Variants in OCA2 observed in about 807,000 individuals in gnomAD.
OCA2 encodes the protein OCA2 melanosomal transmembrane protein.
A neutral mutation model predicts 100.2 loss-of-function variants in OCA2; 77 were observed. The observed-to-expected ratio is 0.77, with a 90% CI of 0.64 to 0.93. The LOEUF is 0.93. Ranked by LOEUF, OCA2 falls within the 40% of genes least tolerant of loss-of-function variation. The pLI is 0.00. For missense variants in OCA2, 1,062 were observed against 1,089.1 expected (o/e 0.98, Z 0.35); for synonymous variants, 432 against 439.2 (o/e 0.98, Z 0.21).
chr15:27,734,285 GC>G, the OCA2 span, among the ~76,000 whole-genome samples: 3 of 27,010 alleles, frequency 1.1e-4, no homozygotes, highest in African/African-American at 3.8e-4. Flanking sequence ...CTTTTCAAGA[GC>G]AAAAAAAAAA....
At chr15:27,902,387 A>C (rs1471391508) in intron 19 of OCA2, among the ~76,000 whole-genome samples, 1 of 152,194 alleles carries the variant, frequency 6.6e-6, no homozygotes, top group South Asian at 2.1e-4. Flanking sequence ...ATTTAAGTGG[A>C]ACTTATTCGT....
At chr15:27,884,950 GCA>G (rs1567060454) in intron 19 of OCA2, among the ~76,000 whole-genome samples, 6 of 152,162 alleles carry the variant, frequency 3.9e-5, no homozygotes, top group African/African-American at 1.4e-4. Flanking sequence ...GTGGGGTAGA[GCA>G]CATGAGGACA....
At chr15:28,059,016 C>T (rs2043791827) in intron 2 of OCA2, among the ~76,000 whole-genome samples, 1 of 152,206 alleles carries the variant, frequency 6.6e-6, no homozygotes, top group Admixed American at 6.5e-5. Context: ...CCAGAGAGCG[C>T]TCAGTGAAGC....
chr15:27,832,332 G>A (rs552092324), intron 23 of OCA2, among the ~76,000 whole-genome samples: 76 of 152,280 alleles, frequency 5.0e-4, no homozygotes, highest in African/African-American at 1.8e-3. Flanking sequence ...CCATTCCACT[G>A]CAGGGAAGAA....
intron 23 of OCA2, among the ~76,000 whole-genome samples, chr15:27,838,518 C>T (rs569558171): frequency 2.6e-5 from 4 of 152,134 alleles, no homozygotes; most frequent in African/African-American, 9.7e-5. Flanking sequence ...ATCCAAGAAA[C>T]CTTTCTGGAC....
rs116653395 is a variant in OCA2, at chr15:28,095,969, C to A, written c.-22+3255G>T. On this transcript the variant is annotated intron_variant, in intron 1 of 23. Coordinates refer to ENST00000354638, the MANE Select transcript of OCA2 (RefSeq NM_000275.3). The stretch of plus-strand genomic sequence containing the variant: ...CCTAATGCGCTGCTCAGCCCCAAGG[C>A]GTCCCTCTGAGCGAGAAACCGCCCC... 1.7e-3 allele frequency among the ~76,000 whole-genome samples: 252 copies of A among 152,322 alleles called. 2 individuals carry two copies. The highest frequency in any genetic ancestry group is 5.8e-3 in the African/African-American group (240 of 41,584).
At chr15:28,022,946 CA>C (rs1186430859) in intron 5 of OCA2, among the ~76,000 whole-genome samples, 1 of 152,204 alleles carries the variant, frequency 6.6e-6, no homozygotes. Context: ...GCACCTTATA[CA>C]CCATCAAAAA....
intron 14 of OCA2, among the ~76,000 whole-genome samples, chr15:27,975,913 A>T (rs1199026237): frequency 1.3e-5 from 2 of 152,142 alleles, no homozygotes; most frequent in African/African-American, 4.8e-5. Flanking sequence ...CCAGCCCATA[A>T]ACAAGGTGTA....
At chr15:27,836,069 C>T (rs748920836) in intron 23 of OCA2, among the ~76,000 whole-genome samples, 2 of 152,200 alleles carry the variant, frequency 1.3e-5, no homozygotes, top group African/African-American at 2.4e-5. Context: ...CTTCAGGAGC[C>T]TCAGACAGCC....
intron 23 of OCA2, among the ~76,000 whole-genome samples, chr15:27,768,364 C>G (rs569651443): frequency 1.8e-4 from 27 of 152,284 alleles, no homozygotes; most frequent in African/African-American, 6.0e-4. Context: ...TTCAGTCACA[C>G]GCCGTCACTC....
intron 23 of OCA2, among the ~76,000 whole-genome samples, chr15:27,782,076 T>G (rs898005689): frequency 1.3e-5 from 2 of 152,368 alleles, no homozygotes; most frequent in Non-Finnish European, 2.9e-5. Flanking sequence ...AATCCTTCTC[T>G]TGCTGTCTCT....
rs1455447337 is a variant in OCA2 at position 27,951,860 on chromosome 15, T to G, written c.1875A>C (p.Lys625Asn). The G allele has an allele frequency of 1.6e-5, 26 of 1,613,834 alleles. No individual in the cohort carries two copies. The highest frequency in any genetic ancestry group is 3.3e-5 in the Admixed American group (2 of 60,006). ...HRISDGILLAKCLTVLGFVIF... is the reference protein window; with the variant it reads ...HRISDGILLANCLTVLGFVIF... ...TAACAAATCCCAACACTGTCAGGCA[T>G]TTGGCGAGCAGAATCCCGTCAGATA... The change falls in exon 18 of 24, where the codon AAA (lysine) becomes AAC (asparagine). Residue 625 changes from lysine to asparagine, a missense_variant. Physicochemically the swap from Lys to Asn is moderately conservative, Grantham distance 94. Transcript: ENST00000354638.
chr15:27,957,178 AG>A lies in OCA2; in HGVS notation c.1784+409del. 6.6e-6 allele frequency among the ~76,000 whole-genome samples: 1 copy of A among 152,360 alleles called. No individual in the cohort carries two copies. The highest frequency in any genetic ancestry group is 1.9e-4 in the East Asian group (1 of 5,180). Reference sequence around the variant, plus strand: ...TTGAGTGGGGCTTTCATATTCTTGCAGGTGCCTGAAAATCAACTGCTGGCAG... The same window carrying A: ...TTGAGTGGGGCTTTCATATTCTTGCAGTGCCTGAAAATCAACTGCTGGCAG... On this transcript the variant is annotated intron_variant, in intron 16 of 23. Transcript: ENST00000354638. This position sits in a 1 kb window ranked among gnomAD's most constrained non-coding sequence, Gnocchi z 4.3.
intron 19 of OCA2, among the ~76,000 whole-genome samples, chr15:27,913,883 GAAA>G (rs2038529161): frequency 1.9e-5 from 1 of 52,696 alleles, no homozygotes; most frequent in Non-Finnish European, 3.3e-5. Flanking sequence ...AAGAAAGAAA[GAAA>G]GAAAGAAAGC....
intron 9 of OCA2, among the ~76,000 whole-genome samples, chr15:28,003,987 C>T (rs955854187): frequency 6.6e-6 from 1 of 152,222 alleles, no homozygotes; most frequent in Admixed American, 6.5e-5. Context: ...CCACGTAGCG[C>T]GCTGCGCGCC....
chr15:28,087,720 C>T (rs376428586), intron 1 of OCA2, among the ~76,000 whole-genome samples: 1 of 152,102 alleles, frequency 6.6e-6, no homozygotes, highest in African/African-American at 2.4e-5. Context: ...GCACTCAAGC[C>T]TGGGTGACAG....
chr15:28,094,481 G>A (rs1197051247), intron 1 of OCA2, among the ~76,000 whole-genome samples: 2 of 152,084 alleles, frequency 1.3e-5, no homozygotes, highest in Non-Finnish European at 2.9e-5. Flanking sequence ...CCGCGATGGC[G>A]CCCAGGACCC....
chr15:28,063,558 T>G (rs926934510), intron 2 of OCA2, among the ~76,000 whole-genome samples: 2 of 152,156 alleles, frequency 1.3e-5, no homozygotes, highest in Non-Finnish European at 2.9e-5. Context: ...CTTTCTTCTT[T>G]TTTTACTATA....
At chr15:27,782,698 T>C (rs2032605902) in intron 23 of OCA2, among the ~76,000 whole-genome samples, 1 of 152,214 alleles carries the variant, frequency 6.6e-6, no homozygotes, top group African/African-American at 2.4e-5. Context: ...TAATGCGACA[T>C]CTTTCTCTCT....
Sources: allele counts gnomAD v4.1 joint callset (sites outside exome capture counted in the v4.1 genomes callset), GRCh38; gene constraint gnomAD v4.1.1; non-coding constraint Gnocchi (gnomAD v3.1); transcripts MANE v1.5; gene names NCBI Gene and HGNC (gene_info 2026-07-23, HGNC 2026-07-21).